WDR90: variants seen among roughly 807,000 people sequenced by gnomAD.
WDR90 encodes the protein WD repeat-containing protein 90.
A neutral mutation model predicts 195.2 loss-of-function variants in WDR90; 238 were observed. That is an observed-to-expected ratio of 1.22 (90% confidence interval 1.10 to 1.36). The LOEUF (loss-of-function observed/expected upper bound fraction) is 1.36. Ranked by LOEUF, WDR90 falls within the 40% of genes most tolerant of loss-of-function variation. The probability of loss-of-function intolerance (pLI) is 0.00; values close to 1 mark genes in which losing one functional copy is unlikely to be tolerated. For synonymous variants in WDR90, 1,265 were observed against 1,052.4 expected (o/e 1.20, Z -3.91); for missense variants, 2,734 against 2,439.5 (o/e 1.12, Z -2.54).
In WDR90 at chr16:667,578, C is replaced by G; in HGVS notation, c.5236C>G (p.Pro1746Ala). 6.2e-7 allele frequency: 1 copy of G among 1,608,746 alleles called. No individual in the cohort carries two copies. Among genetic ancestry groups the G allele is most frequent in the Non-Finnish European group, 8.5e-7 (1 of 1,179,948 alleles). ...ARNEILVWEV[P>A]GL ...CAACGAGATCCTTGTGTGGGAGGTC[C>G]CCGGCCTCTGAGATGCAGCAGGGAC... The change falls in exon 41 of 41, where the codon CCC becomes GCC. Residue 1746 changes from proline to alanine, a missense_variant. Transcript: ENST00000293879.
chr16:655,424 C>A lies in WDR90; in HGVS notation c.1674C>A (p.Phe558Leu). 6.3e-7 allele frequency: 1 copy of A among 1,580,540 alleles called. No individual in the cohort carries two copies. Among genetic ancestry groups the A allele is most frequent in the East Asian group, 2.3e-5 (1 of 43,780 alleles). Residue 558 changes from phenylalanine to leucine, a missense_variant, in exon 15 of 41, where the codon TTC (phenylalanine) becomes TTA (leucine). Transcript: ENST00000293879. ...CGCTGCAGTTCACCGACCTGGCCTT[C>A]AAGCAGGCCCGGGACGGCTGCCCGG... ...HHALQFTDLA[F>L]KQARDGCPEP... is the part of the protein sequence containing the mutation.
At chr16:660,862 C>T in intron 28 of WDR90, 148 bp downstream of exon 28, 4 of 965,364 alleles carry the variant, frequency 4.1e-6, no homozygotes, top group Non-Finnish European at 5.7e-6. Context: ...TCCTGGCGCT[C>T]CAGCCGAGGT....
chr16:649,211 C>T (rs919020630), upstream of WDR90: 8 of 484,066 alleles, frequency 1.7e-5, no homozygotes, highest in African/African-American at 1.2e-4. Context: ...CAAAGGGCAG[C>T]GGGATTCGCG....
chr16:652,249 C>T (rs770798778), intron 9 of WDR90: 108 of 795,142 alleles, frequency 1.4e-4, no homozygotes, highest in Non-Finnish European at 2.0e-4. Context: ...ACCCCCAATG[C>T]GTCAGCCCCA....
chr16:657,261 C>CG, intron 20 of WDR90, 40 bp downstream of exon 20: 1 of 1,498,996 alleles, frequency 6.7e-7, no homozygotes, highest in Non-Finnish European at 8.9e-7. Context: ...CTCCTCAGGG[C>CG]GGGGGAGGCC....
rs186618112 is a variant in WDR90, at chr16:654,694, C to G, written c.1438-335C>G. 194 of 339,980 alleles carry G rather than the reference C, an allele frequency of 5.7e-4. 3 individuals carry two copies. In the East Asian group the frequency reaches 9.8e-3, roughly 17 times the overall value. The allele number at this position is 339,980 out of a possible 1,614,324, so 21.1% of individuals were successfully genotyped here. A position where few individuals can be genotyped will look rare whatever the true frequency, so the allele number is the denominator to read the frequency against. ...CAAACTCCAGGGCTCAAGCAGTCCTCCCACCTCAGCCTCCCAAAGTGCTGG... is the reference window on the plus strand; with the variant it reads ...CAAACTCCAGGGCTCAAGCAGTCCTGCCACCTCAGCCTCCCAAAGTGCTGG... On this transcript the variant is annotated intron_variant, in intron 13 of 40. Transcript: ENST00000293879.
upstream of WDR90, chr16:649,296 C>T (rs996797187): frequency 1.6e-5 from 20 of 1,223,582 alleles, no homozygotes; most frequent in Non-Finnish European, 2.0e-5. Context: ...AGGGCGCCGC[C>T]ATGACGGCGG....
At position 658,759 on chromosome 16, in the gene WDR90, G is replaced by A. The variant is rs146851486; in HGVS notation, c.2895+106G>A. 37 of 1,555,480 alleles carry A rather than the reference G, an allele frequency of 2.4e-5. No individual in the cohort carries two copies. In the East Asian group the frequency reaches 7.3e-4, roughly 31 times the overall value. On this transcript the variant is annotated intron_variant, in intron 23 of 40. Transcript: ENST00000293879. Reference sequence around the variant, plus strand: ...GGGGCAGGGAGAGCAGAAGGTGAGGGGTGAGAGTGACCCCCCAAGGATCCT... The same window carrying A: ...GGGGCAGGGAGAGCAGAAGGTGAGGAGTGAGAGTGACCCCCCAAGGATCCT...
At chr16:657,056 G>C in intron 19 of WDR90, 35 bp from the exon 20 acceptor site, 2 of 1,591,858 alleles carry the variant, frequency 1.3e-6, no homozygotes, top group Non-Finnish European at 1.7e-6. Context: ...TGGGCTTCGG[G>C]GCTAGGGCCA....
At position 662,070 on chromosome 16, in the gene WDR90, C is replaced by T. The variant is rs369569835; in HGVS notation, c.4033+11C>T. 22 of 1,598,074 alleles carry T rather than the reference C, an allele frequency of 1.4e-5. No homozygotes were observed. Among genetic ancestry groups the T allele is most frequent in the South Asian group, 4.4e-5 (4 of 90,762 alleles). ...ATGACGGTGGCATTGGTGAGTGCCC[C>T]GCAGAAGCCCTGTGGCCCTCAGGAC... On this transcript the variant is annotated intron_variant, in intron 32 of 40. Coordinates refer to ENST00000293879, the MANE Select transcript of WDR90 (RefSeq NM_145294.5).
At position 661,061 on chromosome 16, in the gene WDR90, C is replaced by CGTG; in HGVS notation, c.3402_3403insGTG (p.Ala1134_Tyr1135insVal). On this transcript the variant is annotated inframe_insertion, in exon 29 of 41. Transcript: ENST00000293879. ...CCTCTCTGCGCACAGGCTTCTTTGC[C>CGTG]TACACGTGCGGCCGCCTGGTGGTGG... 1 of 1,439,132 alleles carries CGTG rather than the reference C, an allele frequency of 6.9e-7. No homozygotes were observed. Among genetic ancestry groups the CGTG allele is most frequent in the Non-Finnish European group, 9.1e-7 (1 of 1,097,520 alleles). The allele number at this position is 1,439,132 out of a possible 1,614,324, so 89.1% of individuals were successfully genotyped here.
chr16:651,083 T>G lies in WDR90; in HGVS notation c.648T>G (p.His216Gln). Residue 216 changes from histidine to glutamine, a missense_variant, in exon 6 of 41, where the codon CAT (histidine) becomes CAG (glutamine). His to Gln is a conservative substitution (Grantham distance 24, BLOSUM62 0). Transcript: ENST00000293879. ...CTGTGCCCAAGGGAGAGAGCTGGCA[T>G]GACCGCTACATCCACGTCCGGTGAG... is the stretch of plus-strand genomic sequence containing the variant. ...AFPVPKGESW[H>Q]DRYIHVRFPS... The G allele has an allele frequency of 6.2e-7, 1 of 1,613,174 alleles. No homozygotes were observed. The highest frequency in any genetic ancestry group is 8.5e-7 in the Non-Finnish European group (1 of 1,179,806).
chr16:656,932 G>A, intron 19 of WDR90, 61 bp downstream of exon 19: 2 of 1,580,256 alleles, frequency 1.3e-6, no homozygotes, highest in Non-Finnish European at 1.7e-6. Flanking sequence ...GGGGTGGCCA[G>A]GTGGGGGTCA....
At chr16:657,344 G>A (rs1596463582) in intron 20 of WDR90, 123 bp downstream of exon 20, 3 of 1,388,026 alleles carry the variant, frequency 2.2e-6, no homozygotes, top group East Asian at 5.1e-5. Context: ...CTGTGGGGGG[G>A]CGTGGCCGCC....
At position 651,724 on chromosome 16, in the gene WDR90, G is replaced by C; in HGVS notation, c.817G>C (p.Val273Leu). The change falls in exon 8 of 41, where the codon GTC becomes CTC. Residue 273 changes from valine to leucine, a missense_variant. Transcript: ENST00000293879. ...TGTGCGGTTCAGTGTGTCTCCAGTG[G>C]TCCAGACGCCCAGCCCCACAGCCGT... The part of the protein sequence containing the change: ...KPVRFSVSPV[V>L]QTPSPTASGR... 6.2e-7 allele frequency: 1 copy of C among 1,613,084 alleles called. No individual in the cohort carries two copies. The highest frequency in any genetic ancestry group is 1.1e-5 in the South Asian group (1 of 91,084).
chr16:659,423 G>A (rs1356834314), intron 26 of WDR90, 47 bp downstream of exon 26: 2 of 1,572,226 alleles, frequency 1.3e-6, no homozygotes, highest in South Asian at 1.2e-5. Context: ...GGGGGTCTGA[G>A]AGGGCACAGG....
In WDR90 at chr16:653,629, G is replaced by A. The variant is rs1376119577; in HGVS notation, c.1338G>A (p.Leu446=). 15 of 1,613,452 alleles carry A rather than the reference G, an allele frequency of 9.3e-6. No individual in the cohort carries two copies. Among genetic ancestry groups the A allele is most frequent in the Non-Finnish European group, 1.3e-5 (15 of 1,180,008 alleles). The change falls in exon 12 of 41, where the codon TTG becomes TTA. Residue 446 remains leucine, a synonymous_variant. Transcript: ENST00000293879. ...RLWDFQTGRC[L]CLFRSPMHVV... is the part of the protein sequence containing the mutation. ...GGGACTTCCAGACCGGGCGGTGCTT[G>A]TGCCTGTTCCGGAGCCCAATGCACG...
intron 34 of WDR90, 81 bp downstream of exon 34, chr16:662,925 CCAGATGATTCCAAGTCCTGCCGTCA>C: frequency 6.6e-7 from 1 of 1,522,102 alleles, no homozygotes; most frequent in Non-Finnish European, 8.8e-7. Flanking sequence ...CTCCACCAGC[CCAGATGATTCCAAGTCCTGCCGTCA>C]CTGGCTCGCA....
Position 650,366 on chromosome 16 carries a change from A to G in WDR90, c.388+4A>G. 6.2e-7 allele frequency: 1 copy of G among 1,611,226 alleles called. No individual in the cohort carries two copies. Among genetic ancestry groups the G allele is most frequent in the Non-Finnish European group, 8.5e-7 (1 of 1,178,560 alleles). The stretch of plus-strand genomic sequence containing the variant: ...GAGGCCAGGACACCTCAGAGAGGTG[A>G]CACCAAGATGGGGTGTGGATGATCC... On this transcript the variant is annotated splice_donor_region_variant and intron_variant, in intron 4 of 40. Coordinates refer to ENST00000293879, the MANE Select transcript of WDR90 (RefSeq NM_145294.5).
Sources: allele counts gnomAD v4.1 joint callset, GRCh38; gene constraint gnomAD v4.1.1; transcripts MANE v1.5; gene names NCBI Gene and HGNC (gene_info 2026-07-23, HGNC 2026-07-21).